The following GSE1 variants were observed in gnomAD, a reference collection of about 807,000 sequenced individuals.
The protein encoded by GSE1 is genetic suppressor element 1.
Under a neutral mutation model 112.6 loss-of-function variants are expected in GSE1, and 32 were observed. The observed-to-expected ratio is 0.28, with a 90% CI of 0.21 to 0.38. The LOEUF (loss-of-function observed/expected upper bound fraction) is 0.38. Ranked by LOEUF, GSE1 falls within the 10% of genes least tolerant of loss-of-function variation. The pLI is 1.00. For missense variants in GSE1, 2,348 were observed against 1,699.2 expected, an observed-to-expected ratio of 1.38 and a Z score of -6.71; for synonymous variants, 1,115 against 735.6, an observed-to-expected ratio of 1.52 and a Z score of -8.35.
chr16:85,439,953 C>T (rs1349199374), intron 2 of GSE1, among the ~76,000 whole-genome samples: 4 of 152,244 alleles, frequency 2.6e-5, no homozygotes, highest in African/African-American at 4.8e-5. Context: ...CACTCAGGTA[C>T]ACAGACACAC....
intron 2 of GSE1, among the ~76,000 whole-genome samples, chr16:85,506,738 G>GTCAT (rs551939045): frequency 0.026 from 3,761 of 146,276 alleles, 130 homozygotes; most frequent in African/African-American, 0.087. Context: ...GCCAGCCACT[G>GTCAT]TCATTCATTC....
intron 1 of GSE1, among the ~76,000 whole-genome samples, chr16:85,613,844 G>A (rs146868831): frequency 0.028 from 3,882 of 139,416 alleles, 181 homozygotes; most frequent in African/African-American, 0.093. Flanking sequence ...GGCGACGGCC[G>A]AGGAAGCGGG....
At chr16:85,404,778 C>T (rs56046292) in intron 2 of GSE1, among the ~76,000 whole-genome samples, 33 of 20,064 alleles carry the variant, frequency 1.6e-3, no homozygotes, top group Admixed American at 6.4e-3. Flanking sequence ...TAATCCTCAC[C>T]GTTACACTCA....
At chr16:85,312,925 G>A (rs1415210308) in intron 1 of GSE1, among the ~76,000 whole-genome samples, 1 of 152,180 alleles carries the variant, frequency 6.6e-6, no homozygotes, top group Non-Finnish European at 1.5e-5. Flanking sequence ...CTGGGCAGGT[G>A]TGACGGAAGT....
intron 2 of GSE1, among the ~76,000 whole-genome samples, chr16:85,636,695 G>C (rs1024664046): frequency 1.3e-5 from 2 of 152,184 alleles, no homozygotes; most frequent in Non-Finnish European, 2.9e-5. Context: ...TCCCGGGGGG[G>C]GGCTGGGAGA....
chr16:85,216,691 C>T (rs755046864), intron 1 of GSE1, among the ~76,000 whole-genome samples: 14 of 152,102 alleles, frequency 9.2e-5, no homozygotes, highest in Non-Finnish European at 1.9e-4. Context: ...GGTGTAGAGG[C>T]TGCATTTGAG....
chr16:85,529,112 T>C (rs1228320563), intron 2 of GSE1, among the ~76,000 whole-genome samples: 3 of 151,928 alleles, frequency 2.0e-5, no homozygotes, highest in Non-Finnish European at 2.9e-5. Context: ...CGCCTGCAGT[T>C]GTCCAGGGGG....
chr16:85,364,938 C>G (rs926145074), intron 2 of GSE1, among the ~76,000 whole-genome samples: 6 of 152,234 alleles, frequency 3.9e-5, no homozygotes, highest in Non-Finnish European at 8.8e-5. Flanking sequence ...CTTCTACATG[C>G]TCTCCCTGGG....
intron 11 of GSE1, among the ~76,000 whole-genome samples, chr16:85,663,913 A>G (rs559272240): frequency 3.0e-4 from 45 of 152,348 alleles, no homozygotes; most frequent in African/African-American, 1.1e-3. Context: ...TCCAGTGACC[A>G]CCAGGCGTGA....
At chr16:85,513,861 C>T (rs757573406) in intron 2 of GSE1, among the ~76,000 whole-genome samples, 2 of 152,082 alleles carry the variant, frequency 1.3e-5, no homozygotes, top group East Asian at 1.9e-4. Flanking sequence ...GGGCAGGGCA[C>T]GTGTACAATG....
intron 2 of GSE1, among the ~76,000 whole-genome samples, chr16:85,517,539 TG>T (rs2051992031): frequency 6.6e-6 from 1 of 152,200 alleles, no homozygotes; most frequent in African/African-American, 2.4e-5. Flanking sequence ...TGAAGCGGTT[TG>T]CCTGGAGAGA....
At chr16:85,613,029 C>G (rs1218749872), upstream of GSE1, 1 of 330,498 alleles carries the variant, frequency 3.0e-6, no homozygotes, top group South Asian at 5.1e-5. Flanking sequence ...CGCTGGTGTC[C>G]CCGGCTCACC....
chr16:85,275,172 C>T (rs75649454), intron 1 of GSE1, among the ~76,000 whole-genome samples: 1 of 152,156 alleles, frequency 6.6e-6, no homozygotes, highest in Non-Finnish European at 1.5e-5. Context: ...AAAAGTCTCC[C>T]TGGACCACGT....
chr16:85,195,764 TC>T (rs1567603552), intron 1 of GSE1, among the ~76,000 whole-genome samples: 2 of 152,152 alleles, frequency 1.3e-5, no homozygotes, highest in Non-Finnish European at 2.9e-5. Context: ...GCTGAGACTG[TC>T]CCGGAAAGGT....
At chr16:85,621,058 A>AT (rs1319044549) in intron 1 of GSE1, among the ~76,000 whole-genome samples, 1 of 120,158 alleles carries the variant, frequency 8.3e-6, no homozygotes, top group East Asian at 2.7e-4. Flanking sequence ...GGGGGAACCC[A>AT]TTTAGATGGT....
At chr16:85,224,084 C>T (rs1029778016) in intron 1 of GSE1, among the ~76,000 whole-genome samples, 2 of 151,804 alleles carry the variant, frequency 1.3e-5, no homozygotes, top group Non-Finnish European at 2.9e-5. Flanking sequence ...CCTCCCTTGG[C>T]GATTCTGGGG....
intron 2 of GSE1, among the ~76,000 whole-genome samples, chr16:85,518,026 C>T (rs573679922): frequency 3.3e-5 from 5 of 152,380 alleles, no homozygotes; most frequent in African/African-American, 1.2e-4. Context: ...GGCCCCAAGC[C>T]GGGCACCAGG....
In GSE1 at chr16:85,654,374, C is replaced by T. The variant is rs1028597230; in HGVS notation, c.523C>T (p.His175Tyr). 9 of 1,612,042 alleles carry T rather than the reference C, an allele frequency of 5.6e-6. No homozygotes were observed. The highest frequency in any genetic ancestry group is 7.6e-6 in the Non-Finnish European group (9 of 1,179,448). Reference sequence around the variant, plus strand: ...GGCAGGGGGACCAGCCATCCCCTCGCACCTGCTCAGCACCCCCTACCCCTT... The same window carrying T: ...GGCAGGGGGACCAGCCATCCCCTCGTACCTGCTCAGCACCCCCTACCCCTT... ...EKAGGPAIPS[H>Y]LLSTPYPFGL... The change falls in exon 4 of 16, where the codon CAC becomes TAC. Residue 175 changes from histidine to tyrosine, a missense_variant. Transcript: ENST00000253458.
chr16:85,611,867 G>A (rs1221438529), upstream of GSE1, among the ~76,000 whole-genome samples: 1 of 151,686 alleles, frequency 6.6e-6, no homozygotes, highest in African/African-American at 2.4e-5. Flanking sequence ...CGGGGAGGGG[G>A]AGGGAGGAAG....
Sources: gnomAD v4.1 joint callset for allele counts (sites outside exome capture counted in the v4.1 genomes callset) on GRCh38, gnomAD v4.1.1 for gene constraint, MANE v1.5 for transcripts, NCBI Gene and HGNC (gene_info 2026-07-23, HGNC 2026-07-21) for gene names.